The following EIF3E variants were observed in gnomAD, a reference collection of about 807,000 sequenced individuals.
EIF3E encodes the protein eukaryotic translation initiation factor 3 subunit E.
In EIF3E, 25 loss-of-function variants were observed where a neutral mutation model predicts 59.3. The observed-to-expected ratio is 0.42, with a 90% CI of 0.31 to 0.59. EIF3E has a LOEUF of 0.59. Ranked by LOEUF, EIF3E falls within the 20% of genes least tolerant of loss-of-function variation. EIF3E has a pLI of 0.15. For missense variants in EIF3E, 317 were observed against 534.3 expected (o/e 0.59, Z 4.01); for synonymous variants, 176 against 170.2 (o/e 1.03, Z -0.26).
At position 108,209,625 on chromosome 8, in the gene EIF3E, A is replaced by G. The variant is rs924175424; in HGVS notation, c.1061+4982T>C. Among the ~76,000 whole-genome samples the G allele has an allele frequency of 2.2e-4, 34 of 152,174 alleles. 1 individual carries two copies. Among genetic ancestry groups the G allele is most frequent in the African/African-American group, 8.0e-4 (33 of 41,450 alleles). On this transcript the variant is annotated intron_variant, in intron 10 of 12. Transcript: ENST00000220849. ...TTGGCCAAAAGAGGCACTCATTAAC[A>G]TCTGTAATGTTTTCTTTGGAGAGCT...
intron 5 of EIF3E, among the ~76,000 whole-genome samples, chr8:108,231,538 A>G (rs564224274): frequency 6.6e-6 from 1 of 152,136 alleles, no homozygotes; most frequent in Non-Finnish European, 1.5e-5. Flanking sequence ...GAGGGAGGGA[A>G]AGAGACAGCT....
chr8:108,212,528 C>CA (rs1337526181), intron 10 of EIF3E, among the ~76,000 whole-genome samples: 8 of 152,276 alleles, frequency 5.3e-5, no homozygotes, highest in Non-Finnish European at 1.0e-4. Flanking sequence ...ACGCTGGGCG[C>CA]AAGTGGCTCA....
At chr8:108,223,620 T>C (rs4734172) in intron 7 of EIF3E, among the ~76,000 whole-genome samples, 26,652 of 152,160 alleles carry the variant, frequency 0.18, 2,775 homozygotes, top group East Asian at 0.4. Context: ...TGGAGAGTAA[T>C]AGGGCATTGT....
Position 108,203,629 on chromosome 8 carries a change from T to C in EIF3E, c.1062-126A>G. ...ATTTCTGGATCACCCTTCTCTTATA[T>C]ACCATGACCCCTACTGTCTGATTTG... is the stretch of plus-strand genomic sequence containing the variant. On this transcript the variant is annotated intron_variant, in intron 10 of 12. Transcript: ENST00000220849. The C allele has an allele frequency of 4.2e-6, 3 of 706,710 alleles. 1 individual carries two copies. In the South Asian group the frequency reaches 5.2e-5, roughly 12 times the overall value. The allele number at this position is 706,710 out of a possible 1,614,324, so 43.8% of individuals were successfully genotyped here.
intron 10 of EIF3E, among the ~76,000 whole-genome samples, chr8:108,206,828 G>C (rs972146146): frequency 6.6e-6 from 1 of 152,172 alleles, no homozygotes; most frequent in Admixed American, 6.5e-5. Context: ...TCCATCTTAT[G>C]TAATAACTCT....
chr8:108,237,352 T>C (rs1815752813), intron 3 of EIF3E, among the ~76,000 whole-genome samples: 1 of 152,078 alleles, frequency 6.6e-6, no homozygotes, highest in Admixed American at 6.5e-5. Flanking sequence ...CCCGGGTTCA[T>C]GCAATCCTCC....
chr8:108,238,560 C>G (rs1052884725), intron 3 of EIF3E, among the ~76,000 whole-genome samples: 2 of 151,980 alleles, frequency 1.3e-5, no homozygotes, highest in Non-Finnish European at 2.9e-5. Context: ...GTTTCTTTCC[C>G]TGAATATTTT....
intron 12 of EIF3E, 126 bp downstream of exon 12, chr8:108,202,856 TA>T: frequency 8.7e-7 from 1 of 1,146,688 alleles, no homozygotes; most frequent in Non-Finnish European, 1.2e-6. Flanking sequence ...AGTAATTTCT[TA>T]AAAATGTTCA....
intron 10 of EIF3E, among the ~76,000 whole-genome samples, chr8:108,208,243 A>G (rs994411248): frequency 6.6e-6 from 1 of 152,148 alleles, no homozygotes; most frequent in Non-Finnish European, 1.5e-5. Flanking sequence ...TCCAAATTTT[A>G]TCTGATAGGC....
intron 10 of EIF3E, among the ~76,000 whole-genome samples, chr8:108,208,110 T>G (rs1815136722): frequency 6.6e-6 from 1 of 152,176 alleles, no homozygotes; most frequent in African/African-American, 2.4e-5. Flanking sequence ...CTTACTTTTC[T>G]AAACCCTCCC....
chr8:108,235,844 T>C (rs1208726809), intron 4 of EIF3E, among the ~76,000 whole-genome samples: 9 of 152,224 alleles, frequency 5.9e-5, no homozygotes, highest in African/African-American at 1.9e-4. Context: ...AGGCATCCTA[T>C]GCCCTATAAT....
intron 11 of EIF3E, 106 bp downstream of exon 11, chr8:108,203,295 A>G (rs1417713318): frequency 7.6e-7 from 1 of 1,313,460 alleles, no homozygotes; most frequent in Admixed American, 2.3e-5. Context: ...GTTTTACATT[A>G]AAACAAAATA....
intron 7 of EIF3E, among the ~76,000 whole-genome samples, chr8:108,219,488 A>G (rs768010563): frequency 1.3e-5 from 2 of 152,218 alleles, no homozygotes; most frequent in Non-Finnish European, 2.9e-5. Flanking sequence ...TGCTTAATTA[A>G]TTTCAAATTT....
intron 10 of EIF3E, among the ~76,000 whole-genome samples, chr8:108,204,302 G>A (rs1252986628): frequency 2.6e-5 from 4 of 152,064 alleles, no homozygotes; most frequent in African/African-American, 7.2e-5. Context: ...ACCAACCTAC[G>A]TGCCCATCAA....
chr8:108,241,993 G>C (rs1815845131), intron 1 of EIF3E, 80 bp from the exon 2 acceptor site: 6 of 1,211,608 alleles, frequency 5.0e-6, no homozygotes, highest in Admixed American at 2.7e-5. Context: ...AATTTACCTG[G>C]AAATATATTT....
chr8:108,206,427 T>C (rs1224905201), intron 10 of EIF3E, among the ~76,000 whole-genome samples: 2 of 152,158 alleles, frequency 1.3e-5, no homozygotes, highest in African/African-American at 4.8e-5. Context: ...GGGAACAGCT[T>C]ACCTAAGGAA....
chr8:108,204,804 CTGAATTTCAGATAAA>C (rs1815068680), intron 10 of EIF3E, among the ~76,000 whole-genome samples: 1 of 108,634 alleles, frequency 9.2e-6, no homozygotes. Context: ...GAGAGAGAGA[CTGAATTTCAGATAAA>C]AGAGACAGAG....
intron 1 of EIF3E, among the ~76,000 whole-genome samples, chr8:108,245,511 G>T (rs76384032): frequency 2.0e-5 from 3 of 152,198 alleles, no homozygotes; most frequent in Non-Finnish European, 4.4e-5. Flanking sequence ...TCCCAGAAGA[G>T]CGTAGTGTTT....
intron 3 of EIF3E, among the ~76,000 whole-genome samples, chr8:108,236,413 G>C (rs949116441): frequency 1.3e-5 from 2 of 152,180 alleles, no homozygotes; most frequent in African/African-American, 4.8e-5. Flanking sequence ...TTGACTTTCA[G>C]ATTTCTTTAG....
Sources: gnomAD v4.1 joint callset for allele counts (sites outside exome capture counted in the v4.1 genomes callset) on GRCh38, gnomAD v4.1.1 for gene constraint, MANE v1.5 for transcripts, NCBI Gene and HGNC (gene_info 2026-07-23, HGNC 2026-07-21) for gene names.